GON4L: variants seen among roughly 807,000 people sequenced by gnomAD.
The protein encoded by GON4L is GON-4-like protein.
GON4L carries 87 observed loss-of-function variants against 211.8 expected under a neutral mutation model. The ratio of observed to expected loss-of-function variants is 0.41; its 90% CI spans 0.35 to 0.49. GON4L has a LOEUF of 0.49. GON4L is among the 20% of genes least tolerant of loss of function. GON4L has a pLI of 0.15. For synonymous variants in GON4L, 875 were observed against 962.6 expected (o/e 0.91, Z 1.68); for missense variants, 2,155 against 2,659.5 (o/e 0.81, Z 4.17).
intron 11 of GON4L, among the ~76,000 whole-genome samples, chr1:155,796,307 T>C (rs1313173926): frequency 6.6e-6 from 1 of 151,364 alleles, no homozygotes; most frequent in African/African-American, 2.4e-5. Flanking sequence ...ACATGGAGTC[T>C]CACTTTGTCA....
At chr1:155,775,660 T>C (rs1050545719) in intron 16 of GON4L, among the ~76,000 whole-genome samples, 5 of 152,244 alleles carry the variant, frequency 3.3e-5, no homozygotes, top group African/African-American at 1.2e-4. Context: ...GATTTCACCA[T>C]GTTGGTCAAG....
At chr1:155,834,255 A>G (rs561654811) in intron 2 of GON4L, among the ~76,000 whole-genome samples, 1 of 152,148 alleles carries the variant, frequency 6.6e-6, no homozygotes, top group Non-Finnish European at 1.5e-5. Context: ...CTTTGCTACT[A>G]AATTTTAAAT....
chr1:155,752,478 G>T lies in GON4L; in HGVS notation c.5955C>A (p.Pro1985=). ...PHSPETPQFP[P]TTGAVLYTVK... The stretch of plus-strand genomic sequence containing the variant: ...CAGTGTACAGTACAGCTCCAGTTGT[G>T]GGGGGAAATTGAGGAGTCTCTGGTG... Residue 1985 remains proline (P), a synonymous_variant, in exon 30 of 32, where the codon CCC becomes CCA. Transcript: ENST00000368331. The T allele has an allele frequency of 1.3e-6, 2 of 1,575,074 alleles. No homozygotes were observed. Among genetic ancestry groups the T allele is most frequent in the South Asian group, 1.2e-5 (1 of 86,260 alleles).
chr1:155,855,766 A>AGGGG (rs1672214209), intron 1 of GON4L, among the ~76,000 whole-genome samples: 1 of 152,118 alleles, frequency 6.6e-6, no homozygotes, highest in Non-Finnish European at 1.5e-5. Context: ...GCGGATAACA[A>AGGGG]GGTCAGGAGT....
intron 12 of GON4L, among the ~76,000 whole-genome samples, chr1:155,791,801 G>C (rs1360379131): frequency 1.3e-5 from 2 of 152,006 alleles, no homozygotes; most frequent in Non-Finnish European, 2.9e-5. Context: ...CCAGGAGGCA[G>C]AGTTTGCAGT....
chr1:155,757,207 G>A lies in GON4L; in HGVS notation c.5370C>T (p.Ile1790=). 1 of 1,613,850 alleles carries A rather than the reference G, an allele frequency of 6.2e-7. No individual in the cohort carries two copies. The highest frequency in any genetic ancestry group is 8.5e-7 in the Non-Finnish European group (1 of 1,179,864). The change falls in exon 26 of 32, where the codon ATC becomes ATT. Residue 1790 remains isoleucine (I), a synonymous_variant. Transcript: ENST00000368331. ...CATACTCCTTTTCCTCAGTCCAATT[G>A]ATCTCTTCAAAGTCACCCATCCGGC... ...AASRMGDFEE[I]NWTEEKEYEF...
chr1:155,771,490 C>T (rs1254689809), intron 18 of GON4L, among the ~76,000 whole-genome samples: 1 of 151,610 alleles, frequency 6.6e-6, no homozygotes, highest in Non-Finnish European at 1.5e-5. Flanking sequence ...CATTTTTTTT[C>T]AGACAGGGTC....
chr1:155,764,552 G>A (rs1012643955), intron 21 of GON4L: 11 of 335,384 alleles, frequency 3.3e-5, no homozygotes, highest in Admixed American at 1.3e-4. Flanking sequence ...CAATTCTCCT[G>A]CCTCTGCCTC....
intron 2 of GON4L, among the ~76,000 whole-genome samples, chr1:155,851,965 G>C (rs778072501): frequency 6.6e-6 from 1 of 151,896 alleles, no homozygotes; most frequent in Non-Finnish European, 1.5e-5. Context: ...AGGAGTTTGA[G>C]ACCAGCCTGG....
At chr1:155,859,319 C>T (rs1672501020), upstream of GON4L, 1 of 178,142 alleles carries the variant, frequency 5.6e-6, no homozygotes, top group Admixed American at 5.9e-5. Flanking sequence ...AGTACTTTCT[C>T]GTTTTGGAAC....
At chr1:155,813,433 AAAAC>A (rs898071578) in intron 10 of GON4L, among the ~76,000 whole-genome samples, 197 bp downstream of exon 10, 19 of 152,180 alleles carry the variant, frequency 1.2e-4, no homozygotes, top group Middle Eastern at 3.4e-3. Flanking sequence ...CCCTGTCTCA[AAAAC>A]AAACAAACAA....
At chr1:155,780,606 AAAAT>A (rs1234442698) in intron 14 of GON4L, among the ~76,000 whole-genome samples, 3 of 142,848 alleles carry the variant, frequency 2.1e-5, no homozygotes, top group Non-Finnish European at 4.9e-5. Flanking sequence ...AAAATAAAAT[AAAAT>A]AAATAAATAA....
At chr1:155,849,542 T>TAA (rs1172208146) in intron 2 of GON4L, among the ~76,000 whole-genome samples, 1 of 102,642 alleles carries the variant, frequency 9.7e-6, no homozygotes, top group Non-Finnish European at 1.9e-5. Context: ...AGACTCTGTC[T>TAA]CAAAAAAAAA....
At chr1:155,787,319 A>T (rs1665058496) in intron 12 of GON4L, among the ~76,000 whole-genome samples, 1 of 152,190 alleles carries the variant, frequency 6.6e-6, no homozygotes, top group Non-Finnish European at 1.5e-5. Flanking sequence ...GGAAAAAAAA[A>T]AGTTTTGGTT....
chr1:155,793,327 A>G (rs1376669304), intron 12 of GON4L, among the ~76,000 whole-genome samples: 1 of 152,224 alleles, frequency 6.6e-6, no homozygotes, highest in Non-Finnish European at 1.5e-5. Context: ...AAGCAATAAA[A>G]TAAAATGTAA....
Position 155,762,235 on chromosome 1 carries a change from G to A in GON4L, c.4866C>T (p.Leu1622=). The A allele has an allele frequency of 3.7e-6, 6 of 1,611,550 alleles. No homozygotes were observed. Among genetic ancestry groups the A allele is most frequent in the Non-Finnish European group, 5.1e-6 (6 of 1,178,902 alleles). The change falls in exon 23 of 32, where the codon CTC becomes CTT. Residue 1622 remains leucine, a synonymous_variant. Transcript: ENST00000368331. ...CAAAGGCCAAGTCCTTCTGCTCCCTGAGTGGATCTCGCTCGAGAATGTCCT... is the reference window on the plus strand; with the variant it reads ...CAAAGGCCAAGTCCTTCTGCTCCCTAAGTGGATCTCGCTCGAGAATGTCCT... The part of the protein sequence containing the change: ...YDEDILERDP[L]REQKDLAFAQ...
chr1:155,784,195 T>A, intron 13 of GON4L, 106 bp from the exon 14 acceptor site: 1 of 1,462,884 alleles, frequency 6.8e-7, no homozygotes, highest in South Asian at 1.2e-5. Context: ...ACTATAATAA[T>A]GCTGGCACCC....
intron 2 of GON4L, among the ~76,000 whole-genome samples, chr1:155,841,076 CT>C (rs1670731844): frequency 6.6e-6 from 1 of 152,136 alleles, no homozygotes; most frequent in Non-Finnish European, 1.5e-5. Flanking sequence ...CAGGGACAAG[CT>C]TGTATTCATT....
At chr1:155,815,537 T>C (rs975323667) in intron 8 of GON4L, among the ~76,000 whole-genome samples, 1 of 152,146 alleles carries the variant, frequency 6.6e-6, no homozygotes, top group Non-Finnish European at 1.5e-5. Flanking sequence ...TAATGATATA[T>C]TTCTTGACTT....
Sources: gnomAD v4.1 joint callset for allele counts (sites outside exome capture counted in the v4.1 genomes callset) on GRCh38, gnomAD v4.1.1 for gene constraint, MANE v1.5 for transcripts, NCBI Gene and HGNC (gene_info 2026-07-23, HGNC 2026-07-21) for gene names.